ZRANB3: variants seen among roughly 807,000 people sequenced by gnomAD.
ZRANB3 encodes the protein DNA annealing helicase and endonuclease ZRANB3.
In ZRANB3, 125 loss-of-function variants were observed where a neutral mutation model predicts 133.8. That is an observed-to-expected ratio of 0.93 (90% CI 0.81 to 1.08). ZRANB3 has a LOEUF of 1.08. ZRANB3 is among the 50% of genes least tolerant of loss of function. ZRANB3 has a pLI of 0.00. For synonymous variants in ZRANB3, 387 were observed against 432.7 expected (o/e 0.89, Z 1.31); for missense variants, 1,229 against 1,275.5 (o/e 0.96, Z 0.56).
intron 8 of ZRANB3, among the ~76,000 whole-genome samples, chr2:135,307,084 A>T (rs1682744322): frequency 6.6e-6 from 1 of 152,070 alleles, no homozygotes; most frequent in Non-Finnish European, 1.5e-5. Context: ...AATTTTTGAG[A>T]CAGGGTCTCA....
intron 2 of ZRANB3, among the ~76,000 whole-genome samples, chr2:135,411,114 C>A (rs559338210): frequency 2.6e-5 from 4 of 152,200 alleles, no homozygotes; most frequent in African/African-American, 9.6e-5. Context: ...ATGGTGCACA[C>A]CTGTAGTCAC....
intron 2 of ZRANB3, among the ~76,000 whole-genome samples, chr2:135,498,524 C>A (rs562728687): frequency 7.2e-5 from 11 of 152,052 alleles, no homozygotes; most frequent in African/African-American, 2.7e-4. Context: ...GCGTTAACTG[C>A]ACAAATTGTT....
chr2:135,519,849 T>C (rs571018817), intron 1 of ZRANB3, among the ~76,000 whole-genome samples: 2 of 152,244 alleles, frequency 1.3e-5, no homozygotes, highest in African/African-American at 4.8e-5. Flanking sequence ...TTTTTCAGAT[T>C]AGAGTGTTTG....
intron 2 of ZRANB3, among the ~76,000 whole-genome samples, chr2:135,403,647 C>G (rs1687853303): frequency 6.6e-6 from 1 of 152,230 alleles, no homozygotes; most frequent in South Asian, 2.1e-4. Context: ...AACAGATAGA[C>G]TGCCTCCTCA....
At chr2:135,461,673 C>G (rs1690770983) in intron 2 of ZRANB3, among the ~76,000 whole-genome samples, 1 of 152,112 alleles carries the variant, frequency 6.6e-6, no homozygotes, top group South Asian at 2.1e-4. Flanking sequence ...AAATCATGAG[C>G]TTATAAGCAG....
chr2:135,509,991 G>A (rs1467387853), intron 1 of ZRANB3, among the ~76,000 whole-genome samples: 1 of 152,056 alleles, frequency 6.6e-6, no homozygotes, highest in African/African-American at 2.4e-5. Context: ...TTTTTATTCA[G>A]TTTTTAAACA....
At chr2:135,265,483 T>C (rs1680186973) in intron 12 of ZRANB3, 51 bp downstream of exon 12, 15 of 1,516,052 alleles carry the variant, frequency 9.9e-6, no homozygotes, top group Non-Finnish European at 1.3e-5. Flanking sequence ...TACAAAGTTA[T>C]AGTTTCAGGA....
chr2:135,511,004 T>G, intron 1 of ZRANB3: 2 of 782,758 alleles, frequency 2.6e-6, no homozygotes, highest in South Asian at 2.7e-5. Context: ...TGGGTCCCCT[T>G]TGGGGAGGAA....
intron 17 of ZRANB3, among the ~76,000 whole-genome samples, chr2:135,217,150 T>C (rs1052803738): frequency 1.1e-4 from 16 of 152,296 alleles, no homozygotes; most frequent in South Asian, 2.1e-4. Flanking sequence ...GAGTAAAATG[T>C]ATTCCTGCTG....
chr2:135,508,659 T>C (rs1166977515), intron 1 of ZRANB3, among the ~76,000 whole-genome samples: 1 of 152,158 alleles, frequency 6.6e-6, no homozygotes, highest in African/African-American at 2.4e-5. Context: ...TAAAAATATG[T>C]AGTGGTACAA....
chr2:135,364,429 T>C (rs916336747), intron 3 of ZRANB3, among the ~76,000 whole-genome samples: 3 of 152,194 alleles, frequency 2.0e-5, no homozygotes, highest in Non-Finnish European at 4.4e-5. Context: ...CCCTGCTATA[T>C]AGTATGTAGA....
At chr2:135,491,874 C>G (rs1277992606) in intron 2 of ZRANB3, among the ~76,000 whole-genome samples, 2 of 151,702 alleles carry the variant, frequency 1.3e-5, no homozygotes, top group African/African-American at 4.8e-5. Context: ...AGGTGAACAT[C>G]AAAAAAATAA....
intron 2 of ZRANB3, among the ~76,000 whole-genome samples, chr2:135,474,091 T>C (rs940094073): frequency 6.6e-6 from 1 of 152,104 alleles, no homozygotes; most frequent in Middle Eastern, 3.4e-3. Context: ...CTTGGGAGGC[T>C]GAGGCGGGAG....
intron 8 of ZRANB3, among the ~76,000 whole-genome samples, chr2:135,293,254 A>G (rs369295449): frequency 2.0e-5 from 3 of 151,874 alleles, no homozygotes; most frequent in African/African-American, 7.3e-5. Flanking sequence ...ATTTGTTTGT[A>G]TCCTCTTTTA....
rs370591282 is a variant in ZRANB3 at position 135,317,175 on chromosome 2, T to A, written c.678-1645A>T. 4.6e-5 allele frequency among the ~76,000 whole-genome samples: 7 copies of A among 152,118 alleles called. No individual in the cohort carries two copies. The East Asian group carries it at 9.7e-4, about 21-fold the overall frequency. On this transcript the variant is annotated intron_variant, in intron 6 of 20. Coordinates refer to ENST00000264159, the MANE Select transcript of ZRANB3 (RefSeq NM_032143.4). ...GGATTTGCTTATAATTGTTATAAAT[T>A]GAATTGCTGAAACTTGTTCATTAAA...
At chr2:135,463,440 G>A (rs374768424) in intron 2 of ZRANB3, among the ~76,000 whole-genome samples, 7 of 149,812 alleles carry the variant, frequency 4.7e-5, no homozygotes, top group Admixed American at 1.3e-4. Flanking sequence ...TTTTTGAGAC[G>A]GAGTTTTACT....
chr2:135,426,808 C>T (rs1462257109), intron 2 of ZRANB3, among the ~76,000 whole-genome samples: 11 of 107,792 alleles, frequency 1.0e-4, no homozygotes, highest in South Asian at 6.7e-4. Context: ...CTCCAGCCTG[C>T]GTGACAGAGA....
chr2:135,309,616 T>A (rs1682875844), intron 8 of ZRANB3, among the ~76,000 whole-genome samples: 2 of 152,098 alleles, frequency 1.3e-5, no homozygotes, highest in Admixed American at 1.3e-4. Flanking sequence ...ATTTACATTT[T>A]AAAAAATGCC....
chr2:135,340,398 G>A (rs1203829995), intron 6 of ZRANB3, among the ~76,000 whole-genome samples: 3 of 151,910 alleles, frequency 2.0e-5, no homozygotes, highest in East Asian at 1.9e-4. Flanking sequence ...TAGCTACTGC[G>A]CCCAACCCCC....
Sources: allele counts gnomAD v4.1 joint callset (sites outside exome capture counted in the v4.1 genomes callset), GRCh38; gene constraint gnomAD v4.1.1; transcripts MANE v1.5; gene names NCBI Gene and HGNC (gene_info 2026-07-23, HGNC 2026-07-21).